The following DOCK9 variants were observed in gnomAD, a reference collection of about 807,000 sequenced individuals.
The protein encoded by DOCK9 is dedicator of cytokinesis protein 9.
In DOCK9, 89 loss-of-function variants were observed where a neutral mutation model predicts 263.3. That is an observed-to-expected ratio of 0.34 (90% CI 0.28 to 0.40). DOCK9 has a LOEUF of 0.40. Among genes scored for constraint, DOCK9 ranks in the 10% least tolerant of loss-of-function variants. The probability of loss-of-function intolerance (pLI) is 1.00; values close to 1 mark genes in which losing one functional copy is unlikely to be tolerated. For missense variants in DOCK9, 2,140 were observed against 2,603.4 expected (o/e 0.82, Z 3.87); for synonymous variants, 976 against 973.1 (o/e 1.00, Z -0.06).
chr13:98,995,610 T>A (rs1688449518), intron 1 of DOCK9, among the ~76,000 whole-genome samples: 1 of 148,758 alleles, frequency 6.7e-6, no homozygotes, highest in African/African-American at 2.5e-5. Context: ...TGCCTCAGCC[T>A]CCCGAGTAGC....
chr13:98,866,167 G>A (rs1055511429), intron 30 of DOCK9, among the ~76,000 whole-genome samples: 4 of 152,028 alleles, frequency 2.6e-5, no homozygotes, highest in Non-Finnish European at 4.4e-5. Flanking sequence ...TGCTTTGTTT[G>A]TTCTCCTTAG....
chr13:98,884,758 C>T (rs1264044797), intron 21 of DOCK9, among the ~76,000 whole-genome samples: 1 of 152,194 alleles, frequency 6.6e-6, no homozygotes, highest in Non-Finnish European at 1.5e-5. Flanking sequence ...TAGTTCAGGG[C>T]TTACAAAATG....
chr13:98,978,193 C>T, upstream of DOCK9: 1 of 993,072 alleles, frequency 1.0e-6, no homozygotes, highest in Non-Finnish European at 1.3e-6. Flanking sequence ...AGTGTACTGC[C>T]TCTCTGATAA....
intron 2 of DOCK9, chr13:98,950,313 C>A: frequency 1.3e-6 from 1 of 794,874 alleles, no homozygotes; most frequent in Non-Finnish European, 2.1e-6. Context: ...TAAACCTGAG[C>A]TGTTTTCCTT....
intron 44 of DOCK9, among the ~76,000 whole-genome samples, chr13:98,824,935 C>T (rs1359607157): frequency 6.6e-6 from 1 of 152,200 alleles, no homozygotes; most frequent in African/African-American, 2.4e-5. Flanking sequence ...AAGCTGTCAC[C>T]TCACCCACTC....
chr13:98,936,768 C>G (rs892860561), intron 2 of DOCK9, among the ~76,000 whole-genome samples: 9 of 152,102 alleles, frequency 5.9e-5, no homozygotes, highest in African/African-American at 2.2e-4. Context: ...ATTATAGGAA[C>G]TGACAAGGGA....
intron 1 of DOCK9, among the ~76,000 whole-genome samples, chr13:98,972,104 C>G (rs1246903152): frequency 6.6e-6 from 1 of 152,180 alleles, no homozygotes; most frequent in African/African-American, 2.4e-5. Context: ...AATCCTGGCT[C>G]TGCCACTTAT....
chr13:99,041,350 G>A (rs775057358), intron 1 of DOCK9, among the ~76,000 whole-genome samples: 1 of 152,106 alleles, frequency 6.6e-6, no homozygotes, highest in Non-Finnish European at 1.5e-5. Flanking sequence ...CATATGTGAT[G>A]GCATGTGCCT....
Position 98,898,182 on chromosome 13 carries a change from G to C in DOCK9, c.1583C>G (p.Ala528Gly), listed in dbSNP as rs750671935. ...AGGTATAAAAGGTGTTCCTTACCTTGCTGCCCAAGCAAATGGCATTCTATA... is the reference window on the plus strand; with the variant it reads ...AGGTATAAAAGGTGTTCCTTACCTTCCTGCCCAAGCAAATGGCATTCTATA... ...GQYRMPFAWA[A>G]RTLFKDASGN... The change falls in exon 14 of 53, where the codon GCA (alanine) becomes GGA (glycine). Residue 528 changes from alanine (A) to glycine (G), a missense_variant. Ala to Gly is a moderately conservative substitution (Grantham distance 60). Coordinates refer to ENST00000682017, the MANE Select transcript of DOCK9 (RefSeq NM_001366683.2). 40 of 1,609,496 alleles carry C rather than the reference G, an allele frequency of 2.5e-5. No homozygotes were observed. The highest frequency in any genetic ancestry group is 3.4e-5 in the Admixed American group (2 of 59,594).
Position 98,898,284 on chromosome 13 carries a change from T to C in DOCK9, c.1504-23A>G, listed in dbSNP as rs779054327. On this transcript the variant is annotated intron_variant, in intron 13 of 52. Coordinates refer to ENST00000682017, the MANE Select transcript of DOCK9 (RefSeq NM_001366683.2). ...CACCTTGAAGACATGAGAATAAAGCTATGAGATACTGCATCTCACTGAAAG... is the reference window on the plus strand; with the variant it reads ...CACCTTGAAGACATGAGAATAAAGCCATGAGATACTGCATCTCACTGAAAG... 5.7e-6 allele frequency: 9 copies of C among 1,578,754 alleles called. No homozygotes were observed. In the African/African-American group the frequency reaches 6.7e-5, roughly 12 times the overall value.
At chr13:99,012,605 T>C (rs1884694771) in intron 1 of DOCK9, among the ~76,000 whole-genome samples, 1 of 152,156 alleles carries the variant, frequency 6.6e-6, no homozygotes, top group East Asian at 1.9e-4. Context: ...CAAACCCACA[T>C]ATGAAGATAA....
Position 98,805,229 on chromosome 13 carries a change from AT to A in DOCK9, c.5515-21del. 1 of 1,562,844 alleles carries A rather than the reference AT, an allele frequency of 6.4e-7. No homozygotes were observed. Among genetic ancestry groups the A allele is most frequent in the Non-Finnish European group, 8.7e-7 (1 of 1,148,666 alleles). On this transcript the variant is annotated intron_variant, in intron 48 of 52. Coordinates refer to ENST00000682017, the MANE Select transcript of DOCK9 (RefSeq NM_001366683.2). ...GTTGACCTTTAATTGAAACAGCACA[AT>A]GGGAGATTGGTGCTCCATGAAGGAA...
In DOCK9 at chr13:98,881,551, T is replaced by C. The variant is rs140564065; in HGVS notation, c.2745+7A>G. On this transcript the variant is annotated splice_region_variant and intron_variant, in intron 25 of 52. Transcript: ENST00000682017. ...TGTAAGTGATCAGAACAGTGTGTTT[T>C]ACATACCTTAACATATGACCTCAAG... 1.0e-5 allele frequency: 16 copies of C among 1,596,890 alleles called. No individual in the cohort carries two copies. The African/African-American group carries it at 1.9e-4, about 19-fold the overall frequency.
chr13:98,888,081 T>C (rs2046062679), intron 18 of DOCK9, 77 bp downstream of exon 18: 1 of 940,850 alleles, frequency 1.1e-6, no homozygotes, highest in Non-Finnish European at 1.6e-6. Flanking sequence ...GTTGTAGTTG[T>C]ACGGTATCAT....
chr13:98,818,268 G>A (rs750444737), intron 45 of DOCK9, among the ~76,000 whole-genome samples: 8 of 152,122 alleles, frequency 5.3e-5, no homozygotes, highest in Non-Finnish European at 2.9e-5. Context: ...AGAAATAACT[G>A]GTAATCAACC....
chr13:99,049,611 G>A (rs1223722203), intron 1 of DOCK9, among the ~76,000 whole-genome samples: 1 of 152,044 alleles, frequency 6.6e-6, no homozygotes, highest in Non-Finnish European at 1.5e-5. Context: ...TCAACCTCTA[G>A]GCTCAAGTGA....
chr13:99,040,314 T>C (rs1888332085), intron 1 of DOCK9, among the ~76,000 whole-genome samples: 1 of 152,160 alleles, frequency 6.6e-6, no homozygotes, highest in Non-Finnish European at 1.5e-5. Context: ...ATACAGCCTA[T>C]GGCATTTTGT....
chr13:98,844,539 T>A (rs2093331884), intron 38 of DOCK9, among the ~76,000 whole-genome samples: 1 of 152,074 alleles, frequency 6.6e-6, no homozygotes, highest in African/African-American at 2.4e-5. Flanking sequence ...GTTTTTGTAT[T>A]TTTAGTAGAG....
At chr13:99,004,784 GACACACACAC>G (rs10533387) in intron 1 of DOCK9, among the ~76,000 whole-genome samples, 2,067 of 148,146 alleles carry the variant, frequency 0.014, 32 homozygotes, top group South Asian at 0.056. Flanking sequence ...AAAAACTATA[GACACACACAC>G]ACACACACAC....
Sources: gnomAD v4.1 joint callset for allele counts (sites outside exome capture counted in the v4.1 genomes callset) on GRCh38, gnomAD v4.1.1 for gene constraint, MANE v1.5 for transcripts, NCBI Gene and HGNC (gene_info 2026-07-23, HGNC 2026-07-21) for gene names.